Variants in UTRN observed in about 807,000 individuals in gnomAD.
The protein encoded by UTRN is utrophin.
UTRN carries 283 observed loss-of-function variants against 463.9 expected under a neutral mutation model. The observed-to-expected ratio is 0.61, with a 90% CI of 0.55 to 0.67. UTRN has a LOEUF of 0.67. Ranked by LOEUF, UTRN falls within the 30% of genes least tolerant of loss-of-function variation. UTRN has a pLI of 0.00. For synonymous variants in UTRN, 1,442 were observed against 1,431.5 expected, an observed-to-expected ratio of 1.01 and a Z score of -0.17; for missense variants, 3,922 against 4,084.3, an observed-to-expected ratio of 0.96 and a Z score of 1.08.
At chr6:144,433,527 G>GCTGCAATCTCGGCACTTTGGGA (rs1786155970) in intron 9 of UTRN, among the ~76,000 whole-genome samples, 2 of 149,598 alleles carry the variant, frequency 1.3e-5, no homozygotes, top group Non-Finnish European at 1.5e-5. Flanking sequence ...CCGGGCAGAG[G>GCTGCAATCTCGGCACTTTGGGA]GGCTCCTCAC....
chr6:144,334,982 A>G (rs554920389), intron 2 of UTRN, among the ~76,000 whole-genome samples: 14 of 152,254 alleles, frequency 9.2e-5, no homozygotes, highest in Non-Finnish European at 1.6e-4. Context: ...GAGATCTCTA[A>G]AAGTGAATAC....
chr6:144,478,557 A>G (rs1791492484), intron 25 of UTRN, among the ~76,000 whole-genome samples: 6 of 152,178 alleles, frequency 3.9e-5, no homozygotes, highest in African/African-American at 1.4e-4. Flanking sequence ...GGGACAGTGG[A>G]AGAAAAGCTC....
chr6:144,510,902 A>G (rs1795109708), intron 34 of UTRN, 42 bp from the exon 35 acceptor site: 2 of 1,464,450 alleles, frequency 1.4e-6, no homozygotes, highest in Non-Finnish European at 9.1e-7. Flanking sequence ...CTTTTATAAT[A>G]TTCTGAAGCA....
At chr6:144,728,861 C>CA (rs1229435272) in intron 53 of UTRN, among the ~76,000 whole-genome samples, 3 of 152,004 alleles carry the variant, frequency 2.0e-5, no homozygotes, top group Non-Finnish European at 2.9e-5. Flanking sequence ...TGCTTACACA[C>CA]AAAAAAATAG....
intron 2 of UTRN, among the ~76,000 whole-genome samples, chr6:144,335,379 C>A (rs973191802): frequency 6.6e-5 from 10 of 152,230 alleles, no homozygotes; most frequent in Non-Finnish European, 8.8e-5. Flanking sequence ...CGCTCCTTTG[C>A]AACTCTGTAG....
intron 54 of UTRN, among the ~76,000 whole-genome samples, chr6:144,737,174 A>G (rs917552609): frequency 7.9e-5 from 12 of 152,148 alleles, no homozygotes; most frequent in African/African-American, 2.7e-4. Flanking sequence ...GATTGTATGG[A>G]AAACATAGTG....
chr6:144,529,159 C>T (rs1432679956), intron 41 of UTRN, among the ~76,000 whole-genome samples: 3 of 152,212 alleles, frequency 2.0e-5, no homozygotes, highest in Non-Finnish European at 2.9e-5. Flanking sequence ...ATCAGGAACC[C>T]CTTCCGCCAC....
chr6:144,583,576 T>C, intron 51 of UTRN: 2 of 713,578 alleles, frequency 2.8e-6, no homozygotes, highest in Non-Finnish European at 5.2e-6. Flanking sequence ...CAGTTTCTTC[T>C]CCTCGGTATC....
At chr6:144,721,217 T>C (rs71564486) in intron 53 of UTRN, among the ~76,000 whole-genome samples, 89 of 152,238 alleles carry the variant, frequency 5.8e-4, no homozygotes, top group African/African-American at 1.9e-3. Context: ...TTTGTTGCTG[T>C]TGTTGTTGTT....
chr6:144,493,487 C>T (rs768316185), intron 33 of UTRN, 31 bp downstream of exon 33: 1 of 1,590,874 alleles, frequency 6.3e-7, no homozygotes, highest in African/African-American at 1.4e-5. Context: ...GCTCATCTCT[C>T]TGTCTCTCTC....
At chr6:144,726,278 C>T (rs1427390382) in intron 53 of UTRN, among the ~76,000 whole-genome samples, 1 of 152,194 alleles carries the variant, frequency 6.6e-6, no homozygotes, top group Non-Finnish European at 1.5e-5. Flanking sequence ...CCGCCCACAC[C>T]TTCAGCTTCA....
At chr6:144,834,280 T>A (rs894062352) in intron 69 of UTRN, among the ~76,000 whole-genome samples, 11 of 152,178 alleles carry the variant, frequency 7.2e-5, no homozygotes, top group African/African-American at 2.7e-4. Context: ...TATTTAAATA[T>A]ATATATACTC....
chr6:144,532,996 A>T, intron 42 of UTRN, 89 bp from the exon 43 acceptor site: 1 of 655,648 alleles, frequency 1.5e-6, no homozygotes, highest in Non-Finnish European at 2.5e-6. Flanking sequence ...TTTCACACTT[A>T]AATTGATACC....
Position 144,429,715 on chromosome 6 carries a change from T to A in UTRN, c.829T>A (p.Cys277Ser). 3.7e-6 allele frequency: 6 copies of A among 1,611,444 alleles called. No individual in the cohort carries two copies. The highest frequency in any genetic ancestry group is 5.1e-6 in the Non-Finnish European group (6 of 1,179,094). The change falls in exon 9 of 75, where the codon TGT becomes AGT. Residue 277 changes from cysteine (C) to serine (S), a missense_variant. Physicochemically the swap from Cys to Ser is moderately radical, Grantham distance 112. Transcript: ENST00000367545. ...ETLPRKYKKE[C>S]EEEAINIQST... ...ACTCCCAAGGAAATATAAAAAAGAATGTGAAGAAGAGGCAATTAATATACA... is the reference window on the plus strand; with the variant it reads ...ACTCCCAAGGAAATATAAAAAAGAAAGTGAAGAAGAGGCAATTAATATACA...
chr6:144,535,518 G>A (rs776811053), intron 43 of UTRN, among the ~76,000 whole-genome samples: 14 of 152,128 alleles, frequency 9.2e-5, no homozygotes, highest in Admixed American at 8.5e-4. Context: ...AAGCTAATAC[G>A]TGTTTTTACT....
At chr6:144,481,099 A>G (rs1047656643) in intron 26 of UTRN, among the ~76,000 whole-genome samples, 4 of 152,126 alleles carry the variant, frequency 2.6e-5, no homozygotes, top group African/African-American at 9.7e-5. Flanking sequence ...GAGATTTGAG[A>G]AAAATGATAT....
At chr6:144,690,318 G>C (rs1042837180) in intron 52 of UTRN, among the ~76,000 whole-genome samples, 5 of 151,590 alleles carry the variant, frequency 3.3e-5, no homozygotes, top group Non-Finnish European at 5.9e-5. Context: ...GTGCAAATGA[G>C]GGGGGTGTAG....
intron 53 of UTRN, among the ~76,000 whole-genome samples, chr6:144,719,570 T>G (rs1460377971): frequency 3.3e-5 from 5 of 151,776 alleles, no homozygotes; most frequent in Non-Finnish European, 5.9e-5. Flanking sequence ...AGAACGAAAC[T>G]CCATCTCAAA....
At chr6:144,452,218 G>C (rs936472602) in intron 18 of UTRN, among the ~76,000 whole-genome samples, 1 of 152,162 alleles carries the variant, frequency 6.6e-6, no homozygotes, top group African/African-American at 2.4e-5. Context: ...GTTTCTTAGA[G>C]TCTCTTACTA....
Sources: gnomAD v4.1 joint callset for allele counts (sites outside exome capture counted in the v4.1 genomes callset) on GRCh38, gnomAD v4.1.1 for gene constraint, MANE v1.5 for transcripts, NCBI Gene and HGNC (gene_info 2026-07-23, HGNC 2026-07-21) for gene names.